ELOVL2: variants seen among roughly 807,000 people sequenced by gnomAD.
ELOVL2 encodes the protein ELOVL fatty acid elongase 2, also known as very long chain fatty acid elongase 2.
Under a neutral mutation model 37.7 loss-of-function variants are expected in ELOVL2, and 38 were observed. The ratio of observed to expected loss-of-function variants is 1.01; its 90% CI spans 0.78 to 1.32. The LOEUF is 1.32. Ranked by LOEUF, ELOVL2 falls within the 40% of genes most tolerant of loss-of-function variation. The pLI, the probability that ELOVL2 is intolerant of heterozygous loss-of-function variation, is 0.00. For missense variants in ELOVL2, 352 were observed against 363.6 expected, an observed-to-expected ratio of 0.97 and a Z score of 0.26; for synonymous variants, 115 against 122.3, an observed-to-expected ratio of 0.94 and a Z score of 0.40.
At chr6:11,030,650 C>CCCGGCTA (rs1276574387) in intron 1 of ELOVL2, among the ~76,000 whole-genome samples, 3 of 151,972 alleles carry the variant, frequency 2.0e-5, no homozygotes, top group South Asian at 2.1e-4. Flanking sequence ...CGCCACCACG[C>CCCGGCTA]CCGGCTAATT....
Position 10,990,457 on chromosome 6 carries a change from T to C in ELOVL2, c.506-15A>G. On this transcript the variant is annotated splice_polypyrimidine_tract_variant and intron_variant, in intron 5 of 7. Coordinates refer to ENST00000354666, the MANE Select transcript of ELOVL2 (RefSeq NM_017770.4). ...TCCAAAGAAACCTATAAAAGTACAG[T>C]ATAAAAATCACTATTCTTCCAGGAA... The C allele has an allele frequency of 6.4e-7, 1 of 1,564,636 alleles. No individual in the cohort carries two copies. The highest frequency in any genetic ancestry group is 8.6e-7 in the Non-Finnish European group (1 of 1,163,170).
chr6:11,030,547 A>C (rs10456359), intron 1 of ELOVL2, among the ~76,000 whole-genome samples: 16,726 of 152,128 alleles, frequency 0.11, 1,235 homozygotes, highest in Non-Finnish European at 0.17. Context: ...GCTGGAGTGC[A>C]GTGGCTTGAT....
intron 1 of ELOVL2, among the ~76,000 whole-genome samples, chr6:11,020,159 T>C (rs971867780): frequency 2.0e-5 from 3 of 148,794 alleles, no homozygotes; most frequent in African/African-American, 7.5e-5. Context: ...TAGAGGAAAG[T>C]TGTACAAGTT....
At chr6:11,020,918 A>G (rs957908343) in intron 1 of ELOVL2, among the ~76,000 whole-genome samples, 1 of 152,250 alleles carries the variant, frequency 6.6e-6, no homozygotes, top group Non-Finnish European at 1.5e-5. Flanking sequence ...AGTGGAAGGA[A>G]AAGTCCATCT....
intron 3 of ELOVL2, among the ~76,000 whole-genome samples, chr6:11,004,154 A>T (rs1398588811): frequency 2.0e-5 from 3 of 147,986 alleles, no homozygotes; most frequent in Non-Finnish European, 4.4e-5. Context: ...ACTGATGCCT[A>T]AAATTCCATT....
rs887736421 is a variant in ELOVL2 at position 11,005,483 on chromosome 6, T to A, written c.144A>T (p.Ser48=). ...TCATATACTTGTTACCCAGCCATAT[T>A]GAGAGCAGATACATGACAGTAAGAA... ...TFFLTVMYLL[S]IWLGNKYMKN... Residue 48 remains serine, a synonymous_variant, in exon 3 of 8, where the codon TCA becomes TCT. Transcript: ENST00000354666. The A allele has an allele frequency of 1.2e-6, 2 of 1,613,992 alleles. No individual in the cohort carries two copies. The highest frequency in any genetic ancestry group is 2.7e-5 in the African/African-American group (2 of 74,902).
chr6:11,012,402 G>A (rs541335828), intron 1 of ELOVL2, among the ~76,000 whole-genome samples: 4 of 152,336 alleles, frequency 2.6e-5, no homozygotes, highest in African/African-American at 9.6e-5. Context: ...AATATGATCT[G>A]TGTTGCTTTA....
chr6:10,991,352 C>T (rs1782155226), intron 5 of ELOVL2, among the ~76,000 whole-genome samples: 1 of 152,206 alleles, frequency 6.6e-6, no homozygotes, highest in Non-Finnish European at 1.5e-5. Flanking sequence ...GATGGCTGTT[C>T]TGCGAGCTAT....
At chr6:11,025,263 C>T (rs958445665) in intron 1 of ELOVL2, among the ~76,000 whole-genome samples, 1 of 152,024 alleles carries the variant, frequency 6.6e-6, no homozygotes, top group Admixed American at 6.6e-5. Context: ...CCATTCTTTG[C>T]CTATATAAGA....
At chr6:11,010,509 C>T (rs1040885303) in intron 2 of ELOVL2, among the ~76,000 whole-genome samples, 2 of 152,210 alleles carry the variant, frequency 1.3e-5, no homozygotes, top group East Asian at 3.9e-4. Context: ...CATTGCATTT[C>T]ACTCTATCTC....
chr6:11,036,350 C>T (rs950769755), intron 1 of ELOVL2, among the ~76,000 whole-genome samples: 4 of 152,262 alleles, frequency 2.6e-5, no homozygotes, highest in South Asian at 2.1e-4. Context: ...GCTTTGTATT[C>T]TTGAGTTTGA....
chr6:10,998,765 A>T (rs945374605), intron 4 of ELOVL2, among the ~76,000 whole-genome samples: 2 of 152,208 alleles, frequency 1.3e-5, no homozygotes, highest in African/African-American at 4.8e-5. Context: ...TCTTTTCTGG[A>T]GAAAATTCTA....
At chr6:11,030,611 C>A (rs1488837183) in intron 1 of ELOVL2, among the ~76,000 whole-genome samples, 3 of 152,034 alleles carry the variant, frequency 2.0e-5, no homozygotes, top group Non-Finnish European at 4.4e-5. Flanking sequence ...CCTGCCTCAG[C>A]CTCCTGAGTA....
chr6:10,991,543 T>TA (rs1410562112), intron 5 of ELOVL2, among the ~76,000 whole-genome samples: 2 of 152,228 alleles, frequency 1.3e-5, no homozygotes, highest in African/African-American at 4.8e-5. Flanking sequence ...GCACCGCACA[T>TA]ATGCTGGCTA....
In ELOVL2 at chr6:11,034,742, C is replaced by T. The variant is rs541495675; in HGVS notation, c.3+9486G>A. Among the ~76,000 whole-genome samples the T allele has an allele frequency of 3.3e-5, 5 of 151,642 alleles. No individual in the cohort carries two copies. The East Asian group carries it at 9.7e-4, about 29-fold the overall frequency. On this transcript the variant is annotated intron_variant, in intron 1 of 7. Coordinates refer to ENST00000354666, the MANE Select transcript of ELOVL2 (RefSeq NM_017770.4). ...TTAGGGCTAAATGTGGTGGCTCAGG[C>T]CTGTAATCCCAGCACTTTGGGAGGC... is the stretch of plus-strand genomic sequence containing the variant.
intron 3 of ELOVL2, 52 bp from the exon 4 acceptor site, chr6:11,000,216 G>A: frequency 6.6e-7 from 1 of 1,517,188 alleles, no homozygotes; most frequent in South Asian, 1.1e-5. Context: ...CAAGAATTTG[G>A]ATACAGACTG....
intron 7 of ELOVL2, among the ~76,000 whole-genome samples, chr6:10,984,335 A>G (rs1229904219): frequency 6.6e-6 from 1 of 152,060 alleles, no homozygotes; most frequent in Non-Finnish European, 1.5e-5. Flanking sequence ...GGATTTTCTA[A>G]TAAGATTTCA....
At chr6:11,028,892 G>A (rs1362487304) in intron 1 of ELOVL2, among the ~76,000 whole-genome samples, 1 of 151,916 alleles carries the variant, frequency 6.6e-6, no homozygotes, top group African/African-American at 2.4e-5. Flanking sequence ...CAACTTGCCT[G>A]ATTTCATAGA....
chr6:10,992,176 T>TC (rs1782171778), intron 5 of ELOVL2, among the ~76,000 whole-genome samples: 1 of 152,160 alleles, frequency 6.6e-6, no homozygotes, highest in South Asian at 2.1e-4. Context: ...CTTTCTTTCT[T>TC]CCCCCTGCAC....
Sources: gnomAD v4.1 joint callset for allele counts (sites outside exome capture counted in the v4.1 genomes callset) on GRCh38, gnomAD v4.1.1 for gene constraint, MANE v1.5 for transcripts, NCBI Gene and HGNC (gene_info 2026-07-23, HGNC 2026-07-21) for gene names.